The following ADAM2 variants were observed in gnomAD, a reference collection of about 807,000 sequenced individuals.
ADAM2 encodes the protein ADAM metallopeptidase domain 2.
A neutral mutation model predicts 99.3 loss-of-function variants in ADAM2; 101 were observed. The ratio of observed to expected loss-of-function variants is 1.02; its 90% CI spans 0.87 to 1.20. ADAM2 has a LOEUF of 1.20. ADAM2 is among the 50% of genes most tolerant of loss of function. The pLI is 0.00. For synonymous variants in ADAM2, 323 were observed against 287.6 expected (o/e 1.12, Z -1.25); for missense variants, 948 against 878.7 (o/e 1.08, Z -1.00).
At chr8:39,757,621 C>A (rs747065448) in intron 15 of ADAM2, among the ~76,000 whole-genome samples, 6 of 152,056 alleles carry the variant, frequency 3.9e-5, no homozygotes, top group Non-Finnish European at 5.9e-5. Context: ...ATCCAGGGAG[C>A]ACATAAAAAG....
chr8:39,761,782 A>G (rs1374061336), intron 14 of ADAM2, among the ~76,000 whole-genome samples: 1 of 152,136 alleles, frequency 6.6e-6, no homozygotes, highest in Admixed American at 6.5e-5. Flanking sequence ...TTTAATTCTC[A>G]TAAGATCCAA....
intron 15 of ADAM2, among the ~76,000 whole-genome samples, chr8:39,760,395 CA>C (rs1188883342): frequency 1.5e-4 from 23 of 152,206 alleles, no homozygotes; most frequent in African/African-American, 5.5e-4. Flanking sequence ...GATTTAAAAT[CA>C]AAATGTCTGG....
chr8:39,790,189 A>G (rs1803647581), intron 7 of ADAM2, among the ~76,000 whole-genome samples: 1 of 151,918 alleles, frequency 6.6e-6, no homozygotes, highest in South Asian at 2.1e-4. Flanking sequence ...CTTCACACCT[A>G]CCCAATACGA....
intron 7 of ADAM2, among the ~76,000 whole-genome samples, chr8:39,791,447 G>C (rs1476330254): frequency 6.6e-6 from 1 of 152,020 alleles, no homozygotes; most frequent in African/African-American, 2.4e-5. Flanking sequence ...AACTCAGCTT[G>C]TTAGGATTCT....
intron 19 of ADAM2, 47 bp downstream of exon 19, chr8:39,746,425 T>C (rs770065043): frequency 5.4e-6 from 7 of 1,285,948 alleles, no homozygotes; most frequent in African/African-American, 1.5e-5. Context: ...ATTTACTATG[T>C]TCATAAATTA....
intron 7 of ADAM2, among the ~76,000 whole-genome samples, chr8:39,807,023 T>C (rs1804469238): frequency 6.6e-6 from 1 of 152,178 alleles, no homozygotes. Flanking sequence ...TCGGAGCCAC[T>C]GCCTTAATTT....
intron 15 of ADAM2, among the ~76,000 whole-genome samples, chr8:39,760,374 A>C (rs1802301094): frequency 6.6e-6 from 1 of 152,166 alleles, no homozygotes; most frequent in Non-Finnish European, 1.5e-5. Flanking sequence ...ATAGGTAAAG[A>C]GTGGGATTAG....
chr8:39,806,732 G>C (rs901561969), intron 7 of ADAM2, among the ~76,000 whole-genome samples: 3 of 152,208 alleles, frequency 2.0e-5, no homozygotes, highest in South Asian at 2.1e-4. Flanking sequence ...AGAACCAAAA[G>C]TTGAAGATTT....
intron 6 of ADAM2, among the ~76,000 whole-genome samples, chr8:39,810,131 A>C (rs1023591626): frequency 2.0e-5 from 3 of 152,202 alleles, no homozygotes; most frequent in African/African-American, 4.8e-5. Flanking sequence ...CAGGGGTTGT[A>C]AACCTAGTCT....
chr8:39,762,667 C>T (rs1480968770), intron 14 of ADAM2, among the ~76,000 whole-genome samples: 1 of 152,076 alleles, frequency 6.6e-6, no homozygotes. Context: ...GTTGAAAGAC[C>T]TTTACAGCAG....
Position 39,838,177 on chromosome 8 carries a change from G to T in ADAM2, c.9C>A (p.Arg3=), listed in dbSNP as rs549926110. The change falls in exon 1 of 21, where the codon CGC becomes CGA. Residue 3 remains arginine, a synonymous_variant. Transcript: ENST00000265708. ...CGAGCCCGCTGAGCAGAAACAAGAC[G>T]CGCCACATGGCTTGAAGTCCTGGGT... MW[R]VLFLLSGLGG... is the part of the protein sequence containing the mutation. 5 of 1,614,126 alleles carry T rather than the reference G, an allele frequency of 3.1e-6. No individual in the cohort carries two copies. The highest frequency in any genetic ancestry group is 2.7e-5 in the African/African-American group (2 of 75,028).
chr8:39,827,416 G>T (rs575828058), intron 3 of ADAM2, among the ~76,000 whole-genome samples: 2 of 152,110 alleles, frequency 1.3e-5, no homozygotes, highest in Non-Finnish European at 2.9e-5. Context: ...TTAGTATGTT[G>T]AAGAGATATC....
chr8:39,832,918 G>C (rs1344990559), intron 3 of ADAM2, among the ~76,000 whole-genome samples: 1 of 151,812 alleles, frequency 6.6e-6, no homozygotes, highest in Non-Finnish European at 1.5e-5. Context: ...TTTTCTAATA[G>C]AAAAAAGCTT....
chr8:39,790,944 C>T (rs1314781261), intron 7 of ADAM2, among the ~76,000 whole-genome samples: 1 of 151,780 alleles, frequency 6.6e-6, no homozygotes, highest in Admixed American at 6.6e-5. Context: ...TATGAAGATA[C>T]AGAGCTTACC....
intron 3 of ADAM2, among the ~76,000 whole-genome samples, chr8:39,829,071 C>A (rs1805519797): frequency 6.6e-6 from 1 of 151,750 alleles, no homozygotes; most frequent in Non-Finnish European, 1.5e-5. Flanking sequence ...TTTGAAAAAT[C>A]ATACAGAAAA....
In ADAM2 at chr8:39,837,139, C is replaced by T. The variant is rs545341433; in HGVS notation, c.129G>A (p.Ser43=). The T allele has an allele frequency of 2.5e-5, 40 of 1,592,066 alleles. No individual in the cohort carries two copies. Among genetic ancestry groups the T allele is most frequent in the South Asian group, 1.7e-4 (15 of 88,198 alleles). The change falls in exon 2 of 21, where the codon TCG becomes TCA. Residue 43 remains serine (S), a synonymous_variant. Coordinates refer to ENST00000265708, the MANE Select transcript of ADAM2 (RefSeq NM_001464.5). The part of the protein sequence containing the change: ...IRSIIKEGIE[S]QASYKIVIEG... ...AATACTGTTAGTGATTCATTACCTG[C>T]GATTCAATTCCTTCCTTTATTATTG...
At chr8:39,793,473 G>C in intron 7 of ADAM2, among the ~76,000 whole-genome samples, 1 of 152,112 alleles carries the variant, frequency 6.6e-6, no homozygotes, top group East Asian at 1.9e-4. Flanking sequence ...TATCCATTGG[G>C]AGAATTTTTT....
rs1212399632 is a variant in ADAM2, at chr8:39,746,748, A to C, written c.2015-117T>G. 1.1e-5 allele frequency: 9 copies of C among 807,616 alleles called. No individual in the cohort carries two copies. In the Admixed American group the frequency reaches 3.0e-4, roughly 27 times the overall value. The allele number at this position is 807,616 out of a possible 1,614,324, so 50.0% of individuals were successfully genotyped here. ...CTTTGAACAATTTAATAATTTAAAA[A>C]TTAACATATTTTCTATGAAATAGAT... On this transcript the variant is annotated intron_variant, in intron 18 of 20. Transcript: ENST00000265708.
chr8:39,829,119 C>A (rs1249398173), intron 3 of ADAM2, among the ~76,000 whole-genome samples: 1 of 151,758 alleles, frequency 6.6e-6, no homozygotes, highest in Non-Finnish European at 1.5e-5. Flanking sequence ...TATTCAAAAG[C>A]CAATTTCTGT....
Sources: gnomAD v4.1 joint callset for allele counts (sites outside exome capture counted in the v4.1 genomes callset) on GRCh38, gnomAD v4.1.1 for gene constraint, MANE v1.5 for transcripts, NCBI Gene and HGNC (gene_info 2026-07-23, HGNC 2026-07-21) for gene names.